IQGAP2: variants seen among roughly 807,000 people sequenced by gnomAD.
IQGAP2 encodes ras GTPase-activating-like protein IQGAP2.
Under a neutral mutation model 201.3 loss-of-function variants are expected in IQGAP2, and 173 were observed. That is an observed-to-expected ratio of 0.86 (90% CI 0.76 to 0.98). IQGAP2 has a LOEUF of 0.98. Ranked by LOEUF, IQGAP2 falls within the 50% of genes least tolerant of loss-of-function variation. The pLI, the probability that IQGAP2 is intolerant of heterozygous loss-of-function variation, is 0.00. For synonymous variants in IQGAP2, 675 were observed against 673.9 expected (o/e 1.00, Z -0.03); for missense variants, 1,687 against 1,864.8 (o/e 0.90, Z 1.76).
intron 1 of IQGAP2, among the ~76,000 whole-genome samples, chr5:76,438,759 A>G (rs1373434144): frequency 6.6e-6 from 1 of 151,952 alleles, no homozygotes; most frequent in Non-Finnish European, 1.5e-5. Flanking sequence ...TTCATTTCTA[A>G]TTGAGTTTGT....
intron 13 of IQGAP2, among the ~76,000 whole-genome samples, chr5:76,613,226 A>G (rs1426488572): frequency 6.6e-6 from 1 of 152,224 alleles, no homozygotes; most frequent in Non-Finnish European, 1.5e-5. Context: ...GGGCTCATAC[A>G]CAAGCCTGGA....
chr5:76,471,660 G>C (rs949275857), intron 2 of IQGAP2, among the ~76,000 whole-genome samples: 4 of 152,012 alleles, frequency 2.6e-5, no homozygotes, highest in African/African-American at 9.7e-5. Context: ...AAATGTTTAA[G>C]CAAGTGAAAG....
At chr5:76,626,038 C>T (rs999290891) in intron 13 of IQGAP2, among the ~76,000 whole-genome samples, 9 of 152,106 alleles carry the variant, frequency 5.9e-5, no homozygotes, top group African/African-American at 2.2e-4. Flanking sequence ...CAGAATCAAC[C>T]CAAAGTTAAA....
At chr5:76,610,050 T>TTCTC (rs71604297) in intron 12 of IQGAP2, among the ~76,000 whole-genome samples, 253 of 19,018 alleles carry the variant, frequency 0.013, 18 homozygotes, top group Middle Eastern at 0.038. Flanking sequence ...TGTTCTCTCT[T>TTCTC]TCTCTCTCTC....
At chr5:76,531,163 G>T (rs1671196247) in intron 2 of IQGAP2, among the ~76,000 whole-genome samples, 1 of 152,160 alleles carries the variant, frequency 6.6e-6, no homozygotes, top group Non-Finnish European at 1.5e-5. Flanking sequence ...TTCCAAGATG[G>T]TGCCTTAAAT....
At chr5:76,606,037 T>A in intron 11 of IQGAP2, 142 bp from the exon 12 acceptor site, 1 of 589,002 alleles carries the variant, frequency 1.7e-6, no homozygotes, top group Non-Finnish European at 2.8e-6. Context: ...TTGACAGAGC[T>A]ACACAAGACA....
At chr5:76,441,863 GGC>G (rs1753061685) in intron 1 of IQGAP2, among the ~76,000 whole-genome samples, 2 of 152,154 alleles carry the variant, frequency 1.3e-5, no homozygotes, top group African/African-American at 4.8e-5. Flanking sequence ...ACAGCAGAAT[GGC>G]ACATGTGGAA....
At chr5:76,550,774 A>G (rs1743410967) in intron 2 of IQGAP2, among the ~76,000 whole-genome samples, 1 of 152,218 alleles carries the variant, frequency 6.6e-6, no homozygotes, top group Admixed American at 6.5e-5. Context: ...CACAGTAACA[A>G]TCTGATCTCT....
At chr5:76,454,553 T>C (rs1753958444) in intron 1 of IQGAP2, among the ~76,000 whole-genome samples, 1 of 151,616 alleles carries the variant, frequency 6.6e-6, no homozygotes, top group Admixed American at 6.6e-5. Context: ...TTGGTTTTTT[T>C]GTCCTTGCAA....
In IQGAP2 at chr5:76,673,922, A is replaced by G. The variant is rs41271836; in HGVS notation, c.3210-30A>G. 0.16 allele frequency: 211,121 copies of G among 1,287,958 alleles called. 19,040 individuals carry two copies. Among genetic ancestry groups the G allele is most frequent in the Middle Eastern group, 0.22 (1,199 of 5,450 alleles). 79.8% of individuals were successfully genotyped at this position (1,287,958 alleles called of 1,614,324 possible). A position where few individuals can be genotyped will look rare whatever the true frequency, so the allele number is the denominator to read the frequency against. ...TTCCTCACTCCGCCTTTTTTCCATTATTTTCTTTTGTCATCTGTTTTATAT... is the reference window on the plus strand; with the variant it reads ...TTCCTCACTCCGCCTTTTTTCCATTGTTTTCTTTTGTCATCTGTTTTATAT... On this transcript the variant is annotated intron_variant, in intron 25 of 35. Coordinates refer to ENST00000274364, the MANE Select transcript of IQGAP2 (RefSeq NM_006633.5).
chr5:76,427,412 T>G (rs1752071893), intron 1 of IQGAP2, among the ~76,000 whole-genome samples: 1 of 152,196 alleles, frequency 6.6e-6, no homozygotes. Context: ...CTCTTGGATT[T>G]GGCTTTGAAA....
chr5:76,672,787 G>A (rs928101745), intron 24 of IQGAP2, among the ~76,000 whole-genome samples: 1 of 151,862 alleles, frequency 6.6e-6, no homozygotes, highest in Non-Finnish European at 1.5e-5. Context: ...GAGGAGATTG[G>A]ACAGTTATGC....
chr5:76,600,634 A>G (rs1747366073), intron 10 of IQGAP2, among the ~76,000 whole-genome samples, 178 bp from the exon 11 acceptor site: 1 of 152,234 alleles, frequency 6.6e-6, no homozygotes, highest in Non-Finnish European at 1.5e-5. Context: ...ATGAAAGCCC[A>G]GGAGCCATAT....
In IQGAP2 at chr5:76,702,608, C is replaced by A. The variant is rs752742644; in HGVS notation, c.4614+18C>A. The A allele has an allele frequency of 2.4e-5, 27 of 1,143,998 alleles. No individual in the cohort carries two copies. Among genetic ancestry groups the A allele is most frequent in the Non-Finnish European group, 3.5e-5 (26 of 752,108 alleles). The allele number at this position is 1,143,998 out of a possible 1,614,324, so 70.9% of individuals were successfully genotyped here. A position where few individuals can be genotyped will look rare whatever the true frequency, so the allele number is the denominator to read the frequency against. ...ATATTCAGGTAAGCTGCTGGAATTT[C>A]TGCACATTGATGATAAATTTTATAT... is the stretch of plus-strand genomic sequence containing the variant. On this transcript the variant is annotated intron_variant, in intron 35 of 35. Transcript: ENST00000274364.
At chr5:76,588,196 A>G (rs1359313716) in intron 5 of IQGAP2, among the ~76,000 whole-genome samples, 1 of 152,182 alleles carries the variant, frequency 6.6e-6, no homozygotes. Context: ...ACTTTCTCAT[A>G]TATACTATTA....
chr5:76,699,903 TTCTCTCTCTCTCTC>T lies in IQGAP2; in HGVS notation c.4368-1146_4368-1133del, dbSNP rs1186832045. Among the ~76,000 whole-genome samples the T allele has an allele frequency of 3.0e-3, 21 of 7,092 alleles. 2 individuals carry two copies. The highest frequency in any genetic ancestry group is 3.8e-3 in the African/African-American group (4 of 1,044). 4.7% of individuals were successfully genotyped at this position (7,092 alleles called of 152,430 possible). A position where few individuals can be genotyped will look rare whatever the true frequency, so the allele number is the denominator to read the frequency against. ...TCATTTGCTTCAGGCTTCTTTCTGT[TTCTCTCTCTCTCTC>T]TCTCTCTCTCTCTCTCTCTCTCTCT... On this transcript the variant is annotated intron_variant, in intron 33 of 35. Transcript: ENST00000274364.
At chr5:76,640,721 C>T (rs1278217849) in intron 16 of IQGAP2, among the ~76,000 whole-genome samples, 3 of 152,214 alleles carry the variant, frequency 2.0e-5, no homozygotes, top group South Asian at 4.1e-4. Context: ...CATTCTCTTG[C>T]CACCTCAGCA....
intron 1 of IQGAP2, among the ~76,000 whole-genome samples, chr5:76,453,675 T>G (rs1753899858): frequency 6.6e-6 from 1 of 152,218 alleles, no homozygotes. Context: ...GCTTAACAGT[T>G]GTAAAATATT....
At chr5:76,496,741 C>CT (rs1166597323) in intron 2 of IQGAP2, among the ~76,000 whole-genome samples, 7 of 47,850 alleles carry the variant, frequency 1.5e-4, no homozygotes, top group African/African-American at 6.3e-4. Flanking sequence ...TTCTTTCTTT[C>CT]TTTCTTTCTT....
Sources: gnomAD v4.1 joint callset for allele counts (sites outside exome capture counted in the v4.1 genomes callset) on GRCh38, gnomAD v4.1.1 for gene constraint, MANE v1.5 for transcripts, NCBI Gene and HGNC (gene_info 2026-07-23, HGNC 2026-07-21) for gene names.